RNF180: variants seen among roughly 807,000 people sequenced by gnomAD.
RNF180 encodes ring finger protein 180, also known as E3 ubiquitin-protein ligase RNF180.
In RNF180, 38 loss-of-function variants were observed where a neutral mutation model predicts 59.2. That is an observed-to-expected ratio of 0.64 (90% CI 0.50 to 0.84). The LOEUF (loss-of-function observed/expected upper bound fraction) is 0.84. Among genes scored for constraint, RNF180 ranks in the 40% least tolerant of loss-of-function variants. The pLI, the probability that RNF180 is intolerant of heterozygous loss-of-function variation, is 0.00. For synonymous variants in RNF180, 262 were observed against 240.3 expected (o/e 1.09, Z -0.84); for missense variants, 705 against 700.9 (o/e 1.01, Z -0.07).
intron 1 of RNF180, among the ~76,000 whole-genome samples, chr5:64,196,509 G>A (rs1751465633): frequency 6.6e-6 from 1 of 151,976 alleles, no homozygotes. Flanking sequence ...AGATGAGCAT[G>A]TTTTTTCTTT....
intron 7 of RNF180, among the ~76,000 whole-genome samples, chr5:64,344,811 T>C (rs1745491076): frequency 6.6e-6 from 1 of 151,792 alleles, no homozygotes; most frequent in Non-Finnish European, 1.5e-5. Context: ...TGTCATACAT[T>C]TCTGAATTCT....
At chr5:64,221,522 G>A (rs1193679381) in intron 5 of RNF180, among the ~76,000 whole-genome samples, 1 of 152,118 alleles carries the variant, frequency 6.6e-6, no homozygotes, top group Non-Finnish European at 1.5e-5. Flanking sequence ...TACTCAGTAA[G>A]TTGATAATTC....
chr5:64,311,056 A>G (rs1017928030), intron 5 of RNF180, among the ~76,000 whole-genome samples: 7 of 151,924 alleles, frequency 4.6e-5, no homozygotes, highest in African/African-American at 1.4e-4. Context: ...CATGGTAGAA[A>G]TTACAGATTA....
At chr5:64,273,455 C>T (rs1356246272) in intron 5 of RNF180, among the ~76,000 whole-genome samples, 2 of 151,548 alleles carry the variant, frequency 1.3e-5, no homozygotes, top group African/African-American at 4.9e-5. Context: ...AGCTTAAGAC[C>T]AAGCATTAAG....
intron 1 of RNF180, among the ~76,000 whole-genome samples, chr5:64,198,511 A>G (rs1438188804): frequency 6.6e-6 from 1 of 152,230 alleles, no homozygotes; most frequent in East Asian, 1.9e-4. Flanking sequence ...ACTTAAAACA[A>G]TCTCCTACAG....
intron 5 of RNF180, among the ~76,000 whole-genome samples, chr5:64,317,557 T>G (rs138088378): frequency 8.2e-6 from 1 of 121,546 alleles, no homozygotes; most frequent in Non-Finnish European, 1.8e-5. Context: ...TATATACATA[T>G]ATACACATAC....
chr5:64,171,263 G>C (rs1218900886), intron 1 of RNF180, among the ~76,000 whole-genome samples: 1 of 152,178 alleles, frequency 6.6e-6, no homozygotes, highest in Non-Finnish European at 1.5e-5. Flanking sequence ...ATGCTAGACT[G>C]TTTGTAAAAA....
intron 5 of RNF180, among the ~76,000 whole-genome samples, chr5:64,266,900 T>C (rs550147613): frequency 6.6e-6 from 1 of 152,240 alleles, no homozygotes; most frequent in East Asian, 1.9e-4. Context: ...AATTCACTTA[T>C]TTGCAAAACC....
chr5:64,332,481 T>C (rs563175892), intron 7 of RNF180, among the ~76,000 whole-genome samples: 56 of 152,292 alleles, frequency 3.7e-4, no homozygotes, highest in Non-Finnish European at 7.4e-4. Context: ...ACTTCAGCGA[T>C]ATCATAGGAT....
chr5:64,213,900 G>A lies in RNF180; in HGVS notation c.574G>A (p.Glu192Lys). The change falls in exon 4 of 8, where the codon GAG becomes AAG. Residue 192 changes from glutamate (E) to lysine (K), a missense_variant. By Grantham distance (56) the Glu-to-Lys change is moderately conservative. Coordinates refer to ENST00000389100, the MANE Select transcript of RNF180 (RefSeq NM_001113561.2). ...CCTGGAGGTGCGACCAACATATTTT[G>A]AGATGAAGAACGAAAAACTGCTGTC... ...LCLEVRPTYF[E>K]MKNEKLLSKA... is the part of the protein sequence containing the mutation. The A allele has an allele frequency of 6.2e-7, 1 of 1,614,098 alleles. No homozygotes were observed.
intron 5 of RNF180, among the ~76,000 whole-genome samples, chr5:64,316,601 T>C (rs1039594061): frequency 2.0e-5 from 3 of 152,188 alleles, no homozygotes; most frequent in Non-Finnish European, 4.4e-5. Context: ...ATTCTTCAGA[T>C]TGCAACAGAT....
intron 5 of RNF180, among the ~76,000 whole-genome samples, chr5:64,268,800 G>A (rs1744836761): frequency 6.6e-6 from 1 of 152,128 alleles, no homozygotes; most frequent in Non-Finnish European, 1.5e-5. Context: ...TGGGGAACGT[G>A]TCCTGACTTC....
chr5:64,170,779 CA>C (rs1261179612), intron 1 of RNF180, among the ~76,000 whole-genome samples: 1 of 152,070 alleles, frequency 6.6e-6, no homozygotes, highest in Non-Finnish European at 1.5e-5. Flanking sequence ...GATGTGAATC[CA>C]GGGGTCAACA....
At chr5:64,214,838 G>T (rs777223812) in intron 4 of RNF180, among the ~76,000 whole-genome samples, 1 of 151,984 alleles carries the variant, frequency 6.6e-6, no homozygotes, top group Non-Finnish European at 1.5e-5. Context: ...TATTAGGATT[G>T]TTTTGCAGCG....
intron 1 of RNF180, among the ~76,000 whole-genome samples, chr5:64,168,531 G>T (rs1210279866): frequency 6.6e-6 from 1 of 152,080 alleles, no homozygotes; most frequent in Non-Finnish European, 1.5e-5. Context: ...TGATTTCTTA[G>T]AAATCAGATA....
chr5:64,351,006 G>A (rs1452130979), intron 7 of RNF180, among the ~76,000 whole-genome samples: 4 of 151,920 alleles, frequency 2.6e-5, no homozygotes, highest in Non-Finnish European at 5.9e-5. Context: ...GGGCAGTATG[G>A]CCATTTTCAC....
chr5:64,305,372 T>G (rs1743388045), intron 5 of RNF180, among the ~76,000 whole-genome samples: 1 of 151,654 alleles, frequency 6.6e-6, no homozygotes, highest in South Asian at 2.1e-4. Context: ...ATTCTTCTCT[T>G]TCTTCCTTTG....
chr5:64,319,084 C>CT (rs1265213770), intron 5 of RNF180, among the ~76,000 whole-genome samples: 2 of 151,196 alleles, frequency 1.3e-5, no homozygotes, highest in African/African-American at 4.9e-5. Context: ...AGGCAAAACT[C>CT]TGTGTGTGTG....
chr5:64,287,616 A>G (rs937216039), intron 5 of RNF180, among the ~76,000 whole-genome samples: 1 of 152,168 alleles, frequency 6.6e-6, no homozygotes, highest in African/African-American at 2.4e-5. Context: ...AATAATTGCC[A>G]TTCTGACTGG....
Sources: allele counts gnomAD v4.1 joint callset (sites outside exome capture counted in the v4.1 genomes callset), GRCh38; gene constraint gnomAD v4.1.1; transcripts MANE v1.5; gene names NCBI Gene and HGNC (gene_info 2026-07-23, HGNC 2026-07-21).